ANKMY1: variants seen among roughly 807,000 people sequenced by gnomAD.
ANKMY1 encodes ankyrin repeat and MYND domain-containing protein 1.
ANKMY1 carries 98 observed loss-of-function variants against 102.0 expected under a neutral mutation model. That is an observed-to-expected ratio of 0.96 (90% CI 0.82 to 1.14). The LOEUF (loss-of-function observed/expected upper bound fraction) is 1.14. Ranked by LOEUF, ANKMY1 falls within the 50% of genes most tolerant of loss-of-function variation. ANKMY1 has a pLI of 0.00. For synonymous variants in ANKMY1, 582 were observed against 559.9 expected (o/e 1.04, Z -0.56); for missense variants, 1,330 against 1,347.6 (o/e 0.99, Z 0.20).
intron 15 of ANKMY1, among the ~76,000 whole-genome samples, chr2:240,484,778 G>A (rs891142444): frequency 1.3e-5 from 2 of 152,094 alleles, no homozygotes; most frequent in African/African-American, 4.8e-5. Context: ...TACAGAATGG[G>A]AGAAAATTTT....
In ANKMY1 at chr2:240,500,301, G is replaced by C. The variant is rs559343976; in HGVS notation, c.2640+151C>G. On this transcript the variant is annotated intron_variant, in intron 14 of 17. Transcript: ENST00000401804. ...CACCTGGCATGAGCTCAGCACTTTGGGGGGTTCACCTCTGCAGCCAAGGGG... is the reference window on the plus strand; with the variant it reads ...CACCTGGCATGAGCTCAGCACTTTGCGGGGTTCACCTCTGCAGCCAAGGGG... 6.2e-6 allele frequency: 7 copies of C among 1,123,474 alleles called. No homozygotes were observed. The East Asian group carries it at 1.0e-4, about 16-fold the overall frequency. The allele number at this position is 1,123,474 out of a possible 1,614,324, so 69.6% of individuals were successfully genotyped here.
At chr2:240,470,607 G>A in the ANKMY1 span, among the ~76,000 whole-genome samples, 7,638 of 152,162 alleles carry the variant, frequency 0.05, 454 homozygotes, top group East Asian at 0.19. Context: ...ATCTGGGAAA[G>A]CACAAAAAAA....
At position 240,557,921 on chromosome 2, in the gene ANKMY1, CCGA is replaced by C. The variant is rs2092579579; in HGVS notation, c.-61_-59del. 1.0e-6 allele frequency: 1 copy of C among 985,468 alleles called. No homozygotes were observed. 61.0% of individuals were successfully genotyped at this position (985,468 alleles called of 1,614,324 possible). A position where few individuals can be genotyped will look rare whatever the true frequency, so the allele number is the denominator to read the frequency against. ...GAGCTCGCGCCGGACAGCAGGGAGA[CCGA>C]CGGGACTGCAGCCACCGCGGACGCC... On this transcript the variant is annotated 5_prime_UTR_variant, in exon 1 of 18. Coordinates refer to ENST00000401804, the MANE Select transcript of ANKMY1 (RefSeq NM_001282771.3).
Position 240,494,860 on chromosome 2 carries a change from A to G in ANKMY1, c.2806+5098T>C, listed in dbSNP as rs79578995. On this transcript the variant is annotated intron_variant, in intron 15 of 17. Coordinates refer to ENST00000401804, the MANE Select transcript of ANKMY1 (RefSeq NM_001282771.3). ...CCACCCAGGTGCCGAGGCAAGAGAC[A>G]GAGGGCACAAGCTGTTCCAGTGTAA... 2.4e-3 allele frequency among the ~76,000 whole-genome samples: 359 copies of G among 152,302 alleles called. 9 individuals carry two copies. In the East Asian group the frequency reaches 0.06, roughly 26 times the overall value.
intron 10 of ANKMY1, among the ~76,000 whole-genome samples, 158 bp downstream of exon 10, chr2:240,512,644 A>G (rs1256143843): frequency 6.6e-6 from 1 of 152,218 alleles, no homozygotes; most frequent in African/African-American, 2.4e-5. Context: ...TAAGGTTCTC[A>G]TCTGGACGGG....
At chr2:240,493,772 G>A (rs925531247) in intron 15 of ANKMY1, among the ~76,000 whole-genome samples, 1 of 152,164 alleles carries the variant, frequency 6.6e-6, no homozygotes, top group Admixed American at 6.5e-5. Flanking sequence ...CCAGAGTGGT[G>A]TACACTGGCA....
intron 4 of ANKMY1, among the ~76,000 whole-genome samples, chr2:240,532,673 A>G (rs1205956846): frequency 6.6e-6 from 1 of 152,226 alleles, no homozygotes; most frequent in East Asian, 1.9e-4. Flanking sequence ...ACATACATGT[A>G]TACACTTGAT....
At chr2:240,536,353 T>TTTCTTTGGG (rs2086741256) in intron 4 of ANKMY1, among the ~76,000 whole-genome samples, 1 of 152,082 alleles carries the variant, frequency 6.6e-6, no homozygotes, top group Non-Finnish European at 1.5e-5. Context: ...TCAACTGAGC[T>TTTCTTTGGG]GAAGGCTGTT....
intron 15 of ANKMY1, among the ~76,000 whole-genome samples, chr2:240,492,931 CT>C (rs2076816747): frequency 6.6e-6 from 1 of 152,208 alleles, no homozygotes; most frequent in Non-Finnish European, 1.5e-5. Flanking sequence ...CTCAAGTGAT[CT>C]GCCTGCCTCA....
intron 4 of ANKMY1, among the ~76,000 whole-genome samples, chr2:240,532,710 G>A (rs950390749): frequency 2.0e-5 from 3 of 152,166 alleles, no homozygotes; most frequent in African/African-American, 7.2e-5. Flanking sequence ...TTACAGCCAT[G>A]AATCCATCAC....
intron 17 of ANKMY1, among the ~76,000 whole-genome samples, chr2:240,480,715 C>T (rs1020358673): frequency 6.6e-6 from 1 of 152,144 alleles, no homozygotes; most frequent in Non-Finnish European, 1.5e-5. Context: ...CCTTCCAGGA[C>T]GAGGACAAGC....
In ANKMY1 at chr2:240,499,220, T is replaced by A. The variant is rs1189061122; in HGVS notation, c.2806+738A>T. On this transcript the variant is annotated intron_variant, in intron 15 of 17. Transcript: ENST00000401804. This position sits in a 1 kb window ranked among gnomAD's most constrained non-coding sequence, Gnocchi z 4.2. The stretch of plus-strand genomic sequence containing the variant: ...GTGTGTGCACACACGTGTTAACACG[T>A]GACAGGTTTTTATGTGAGGAGAGGA... Among the ~76,000 whole-genome samples the A allele has an allele frequency of 6.6e-6, 1 of 151,766 alleles. No homozygotes were observed. Among genetic ancestry groups the A allele is most frequent in the South Asian group, 2.1e-4 (1 of 4,802 alleles).
chr2:240,495,161 G>A (rs1421013858), intron 15 of ANKMY1, among the ~76,000 whole-genome samples: 3 of 152,144 alleles, frequency 2.0e-5, no homozygotes, highest in Non-Finnish European at 2.9e-5. Context: ...CCAGTGTCTG[G>A]GAAGACGCCC....
intron 15 of ANKMY1, among the ~76,000 whole-genome samples, chr2:240,483,052 A>C (rs1414015055): frequency 1.3e-5 from 2 of 152,200 alleles, no homozygotes; most frequent in African/African-American, 4.8e-5. Context: ...TCTCACCAGT[A>C]GCATTTGTAA....
At chr2:240,469,682 AAACG>A in the ANKMY1 span, among the ~76,000 whole-genome samples, 3 of 149,162 alleles carry the variant, frequency 2.0e-5, no homozygotes, top group East Asian at 2.0e-4. Flanking sequence ...TTACACACAC[AAACG>A]AACACATACA....
chr2:240,499,989 C>T lies in ANKMY1; in HGVS notation c.2775G>A (p.Trp925Ter). ...TGCACAGGTACAGCCACGTGGGGTC[C>T]CACTGGCTCTCCTTGGCAAAGACAG... ...RQAVFAKESQ[W>*]DPTWLYLCKR... The change falls in exon 15 of 18, where the codon TGG (tryptophan) becomes TGA (stop). Residue 925 changes from tryptophan (W) to a stop codon, truncating the protein, a stop_gained. Coordinates refer to ENST00000401804, the MANE Select transcript of ANKMY1 (RefSeq NM_001282771.3). LOFTEE classifies it high-confidence loss of function. This position sits in a 1 kb window ranked among gnomAD's most constrained non-coding sequence, Gnocchi z 4.2. 1.9e-6 allele frequency: 3 copies of T among 1,612,912 alleles called. No individual in the cohort carries two copies. The highest frequency in any genetic ancestry group is 2.5e-6 in the Non-Finnish European group (3 of 1,179,774).
chr2:240,473,171 C>T, the ANKMY1 span, among the ~76,000 whole-genome samples: 1 of 136,678 alleles, frequency 7.3e-6, no homozygotes, highest in South Asian at 2.4e-4. Flanking sequence ...ACTAGTAAAG[C>T]TCCAGTAAGT....
downstream of ANKMY1, among the ~76,000 whole-genome samples, chr2:240,477,545 C>T (rs947978391): frequency 1.9e-4 from 29 of 152,024 alleles, no homozygotes; most frequent in African/African-American, 6.3e-4. Flanking sequence ...ACGGTGTGTG[C>T]GACCACACCT....
At chr2:240,541,564 G>A (rs1295885708) in intron 4 of ANKMY1, among the ~76,000 whole-genome samples, 2 of 146,346 alleles carry the variant, frequency 1.4e-5, no homozygotes, top group South Asian at 2.2e-4. Context: ...GTGCAATGGC[G>A]CCATCTCAAC....
Sources: gnomAD v4.1 joint callset for allele counts (sites outside exome capture counted in the v4.1 genomes callset) on GRCh38, gnomAD v4.1.1 for gene constraint, Gnocchi (gnomAD v3.1) non-coding constraint, MANE v1.5 for transcripts, NCBI Gene and HGNC (gene_info 2026-07-23, HGNC 2026-07-21) for gene names.